SEC24B: variants seen among roughly 807,000 people sequenced by gnomAD.
SEC24B encodes protein transport protein Sec24B.
Under a neutral mutation model 142.8 loss-of-function variants are expected in SEC24B, and 45 were observed. The ratio of observed to expected loss-of-function variants is 0.32; its 90% CI spans 0.25 to 0.40. SEC24B has a LOEUF of 0.40. SEC24B is among the 10% of genes least tolerant of loss of function. SEC24B has a pLI of 1.00. For missense variants in SEC24B, 1,409 were observed against 1,526.8 expected, an observed-to-expected ratio of 0.92 and a Z score of 1.29; for synonymous variants, 574 against 568.2, an observed-to-expected ratio of 1.01 and a Z score of -0.15.
intron 2 of SEC24B, 116 bp downstream of exon 2, chr4:109,463,760 G>A (rs1731561738): frequency 6.9e-7 from 1 of 1,457,250 alleles, no homozygotes; most frequent in Non-Finnish European, 9.1e-7. Flanking sequence ...CTGGAAGTTT[G>A]CTAATTTATT....
intron 20 of SEC24B, 126 bp downstream of exon 20, chr4:109,531,648 T>G: frequency 1.6e-6 from 1 of 642,388 alleles, no homozygotes; most frequent in South Asian, 2.3e-5. Flanking sequence ...CTTGTGGTAG[T>G]AATACATTAA....
chr4:109,506,557 AT>A (rs760011027), intron 7 of SEC24B, 45 bp downstream of exon 7: 1 of 1,247,242 alleles, frequency 8.0e-7, no homozygotes, highest in East Asian at 2.6e-5. Context: ...TGATGAAAAC[AT>A]TGTATGACTT....
At chr4:109,483,678 T>A (rs559919795) in intron 4 of SEC24B, among the ~76,000 whole-genome samples, 25 of 152,356 alleles carry the variant, frequency 1.6e-4, no homozygotes, top group African/African-American at 6.0e-4. Flanking sequence ...TTCCTGTGCA[T>A]TTAAAAATAT....
intron 13 of SEC24B, 124 bp downstream of exon 13, chr4:109,521,296 C>A: frequency 2.1e-6 from 2 of 959,920 alleles, no homozygotes; most frequent in Non-Finnish European, 3.2e-6. Context: ...AATGGCATAT[C>A]TATTGACTCC....
At chr4:109,502,081 CAT>C (rs1736215554) in intron 6 of SEC24B, among the ~76,000 whole-genome samples, 1 of 152,094 alleles carries the variant, frequency 6.6e-6, no homozygotes, top group Non-Finnish European at 1.5e-5. Flanking sequence ...TTTGAGTTAA[CAT>C]ATGGAAGAAA....
intron 2 of SEC24B, 73 bp from the exon 3 acceptor site, chr4:109,472,931 T>C (rs1732678606): frequency 2.1e-6 from 1 of 478,686 alleles, no homozygotes; most frequent in African/African-American, 2.1e-5. Flanking sequence ...TTATATATAG[T>C]ATTGTATGTG....
intron 1 of SEC24B, among the ~76,000 whole-genome samples, chr4:109,436,711 G>C (rs888510131): frequency 6.6e-6 from 1 of 152,232 alleles, no homozygotes. Flanking sequence ...TAATTAGAGA[G>C]TTGGGACTTT....
intron 7 of SEC24B, 70 bp from the exon 8 acceptor site, chr4:109,509,939 T>A (rs1737142408): frequency 1.1e-6 from 1 of 885,616 alleles, no homozygotes; most frequent in Non-Finnish European, 1.7e-6. Context: ...ATGTTCTTAG[T>A]TATCTTATCT....
intron 17 of SEC24B, among the ~76,000 whole-genome samples, chr4:109,526,765 G>A (rs758520071): frequency 1.6e-4 from 24 of 152,068 alleles, no homozygotes; most frequent in Non-Finnish European, 2.9e-4. Flanking sequence ...TTACTCTATA[G>A]GATATAATTT....
At chr4:109,471,176 G>A (rs1018622145) in intron 2 of SEC24B, among the ~76,000 whole-genome samples, 13 of 152,044 alleles carry the variant, frequency 8.6e-5, no homozygotes, top group African/African-American at 1.4e-4. Flanking sequence ...AGGGTCTCCC[G>A]CTTTCACCCA....
At chr4:109,434,749 A>T (rs972544155) in intron 1 of SEC24B, among the ~76,000 whole-genome samples, 1 of 152,174 alleles carries the variant, frequency 6.6e-6, no homozygotes, top group African/African-American at 2.4e-5. Flanking sequence ...TGTTTTTCCT[A>T]GCTCCACTTT....
chr4:109,501,958 GAATT>G (rs1381388430), intron 6 of SEC24B, among the ~76,000 whole-genome samples: 2 of 152,148 alleles, frequency 1.3e-5, no homozygotes, highest in African/African-American at 2.4e-5. Flanking sequence ...AACAAATAAA[GAATT>G]AATTTCAGGT....
intron 23 of SEC24B, 143 bp from the exon 24 acceptor site, chr4:109,539,418 A>G (rs1725946407): frequency 4.7e-6 from 3 of 636,688 alleles, no homozygotes; most frequent in South Asian, 1.8e-5. Context: ...TTTTTAAAAT[A>G]TATACTATTT....
At chr4:109,453,157 T>C (rs1356026692) in intron 1 of SEC24B, among the ~76,000 whole-genome samples, 1 of 152,180 alleles carries the variant, frequency 6.6e-6, no homozygotes, top group Non-Finnish European at 1.5e-5. Context: ...AGAGATCCCA[T>C]GCTTTAAGGG....
Position 109,538,517 on chromosome 4 carries a change from C to G in SEC24B, c.3613C>G (p.Leu1205Val). 1 of 1,612,946 alleles carries G rather than the reference C, an allele frequency of 6.2e-7. No individual in the cohort carries two copies. The highest frequency in any genetic ancestry group is 8.5e-7 in the Non-Finnish European group (1 of 1,178,994). ...GACACATCTTCCAGAGCTAGATACA[C>G]TTTCATCAGAAAGAGCCAGATCCTT... ...KMTHLPELDT[L>V]SSERARSFIT... Residue 1205 changes from leucine (L) to valine (V), a missense_variant, in exon 23 of 24, where the codon CTT becomes GTT. Leu to Val is a conservative substitution (Grantham distance 32). Around this residue, in one of 2 missense-constraint regions of SEC24B, gnomAD observed 700 missense variants for 853.3 expected, o/e 0.82. Coordinates refer to ENST00000265175, the MANE Select transcript of SEC24B (RefSeq NM_006323.5).
intron 9 of SEC24B, 57 bp downstream of exon 9, chr4:109,512,140 G>T (rs1223602603): frequency 3.5e-6 from 5 of 1,415,584 alleles, no homozygotes; most frequent in Non-Finnish European, 4.8e-6. Context: ...TTTTTTTTGA[G>T]ATTTTTGTCA....
chr4:109,510,204 C>G (rs1269416370), intron 8 of SEC24B, 93 bp downstream of exon 8: 1 of 563,154 alleles, frequency 1.8e-6, no homozygotes, highest in African/African-American at 2.0e-5. Flanking sequence ...TTTTCTATAT[C>G]TTCTTTTATT....
chr4:109,500,473 G>A (rs1240100107), intron 6 of SEC24B, among the ~76,000 whole-genome samples: 1 of 150,954 alleles, frequency 6.6e-6, no homozygotes, highest in African/African-American at 2.4e-5. Flanking sequence ...GAACCCAGGA[G>A]GCAGAGGTTG....
chr4:109,538,225 G>A (rs987542156), intron 22 of SEC24B, among the ~76,000 whole-genome samples: 14 of 152,100 alleles, frequency 9.2e-5, no homozygotes, highest in Admixed American at 6.6e-4. Context: ...CATGCTAATC[G>A]TTGTTTATGT....
Sources: allele counts gnomAD v4.1 joint callset (sites outside exome capture counted in the v4.1 genomes callset), GRCh38; gene constraint gnomAD v4.1.1; regional missense constraint gnomAD v4.1.1; transcripts MANE v1.5; gene names NCBI Gene and HGNC (gene_info 2026-07-23, HGNC 2026-07-21).